The following GABRB1 variants were observed in gnomAD, a reference collection of about 807,000 sequenced individuals.
The protein encoded by GABRB1 is gamma-aminobutyric acid receptor subunit beta-1.
GABRB1 carries 17 observed loss-of-function variants against 51.6 expected under a neutral mutation model. The ratio of observed to expected loss-of-function variants is 0.33; its 90% CI spans 0.23 to 0.49. The LOEUF (loss-of-function observed/expected upper bound fraction) is 0.49, where lower values mean the gene tolerates loss of function less well. Ranked by LOEUF, GABRB1 falls within the 20% of genes least tolerant of loss-of-function variation. GABRB1 has a pLI of 0.99. For synonymous variants in GABRB1, 247 were observed against 218.9 expected, an observed-to-expected ratio of 1.13 and a Z score of -1.14; for missense variants, 410 against 600.6, an observed-to-expected ratio of 0.68 and a Z score of 3.32.
intron 4 of GABRB1, among the ~76,000 whole-genome samples, chr4:47,171,746 A>G (rs539042062): frequency 2.6e-5 from 4 of 152,268 alleles, no homozygotes; most frequent in Admixed American, 2.6e-4. Flanking sequence ...ATAGTTCCTC[A>G]TTTATAGAAT....
chr4:47,039,599 T>C (rs945041994), intron 3 of GABRB1, among the ~76,000 whole-genome samples: 1 of 152,084 alleles, frequency 6.6e-6, no homozygotes, highest in South Asian at 2.1e-4. Flanking sequence ...ATGTATAGGA[T>C]CCTATGGGAG....
At chr4:47,117,866 T>A (rs748876566) in intron 3 of GABRB1, among the ~76,000 whole-genome samples, 1 of 152,174 alleles carries the variant, frequency 6.6e-6, no homozygotes, top group African/African-American at 2.4e-5. Flanking sequence ...ACATTTTAAA[T>A]AAAGTGTCTG....
chr4:47,051,022 G>A (rs1726326900), intron 3 of GABRB1, among the ~76,000 whole-genome samples: 1 of 152,112 alleles, frequency 6.6e-6, no homozygotes, highest in Admixed American at 6.6e-5. Context: ...GTCTCTGTGT[G>A]TTGGGTCAAG....
intron 5 of GABRB1, among the ~76,000 whole-genome samples, chr4:47,340,611 T>C (rs148323390): frequency 6.6e-6 from 1 of 152,244 alleles, no homozygotes; most frequent in Non-Finnish European, 1.5e-5. Flanking sequence ...GGGTCTCTTC[T>C]ATAGGGCATT....
chr4:47,397,125 C>T (rs756561952), intron 5 of GABRB1, among the ~76,000 whole-genome samples: 11 of 151,946 alleles, frequency 7.2e-5, no homozygotes, highest in Middle Eastern at 3.4e-3. Context: ...ATTTTTGTTG[C>T]CACACTTTTT....
At chr4:47,124,728 A>C (rs979134252) in intron 3 of GABRB1, among the ~76,000 whole-genome samples, 6 of 152,168 alleles carry the variant, frequency 3.9e-5, no homozygotes, top group African/African-American at 1.4e-4. Context: ...ATAAAATTGC[A>C]ATACAGAACT....
chr4:47,322,154 A>G (rs905317390), intron 5 of GABRB1, among the ~76,000 whole-genome samples: 2 of 152,218 alleles, frequency 1.3e-5, no homozygotes, highest in Non-Finnish European at 2.9e-5. Flanking sequence ...AGGCACCCAG[A>G]TAGCCCAAAG....
chr4:47,333,536 G>A (rs569263308), intron 5 of GABRB1, among the ~76,000 whole-genome samples: 70 of 152,064 alleles, frequency 4.6e-4, no homozygotes, highest in African/African-American at 1.7e-3. Context: ...CCAACCTGGC[G>A]AAACCCCATT....
At chr4:47,083,629 T>A (rs1727945045) in intron 3 of GABRB1, among the ~76,000 whole-genome samples, 1 of 152,138 alleles carries the variant, frequency 6.6e-6, no homozygotes, top group Non-Finnish European at 1.5e-5. Context: ...ATTTCCTGGG[T>A]CTGTCACATT....
chr4:47,101,338 G>C (rs1714711811), intron 3 of GABRB1, among the ~76,000 whole-genome samples: 1 of 151,834 alleles, frequency 6.6e-6, no homozygotes, highest in Non-Finnish European at 1.5e-5. Flanking sequence ...CAAAACAAGG[G>C]GAACAAAAAT....
intron 4 of GABRB1, among the ~76,000 whole-genome samples, chr4:47,295,969 A>G (rs534828587): frequency 6.6e-6 from 1 of 152,134 alleles, no homozygotes; most frequent in Non-Finnish European, 1.5e-5. Flanking sequence ...TTCTTAAAGA[A>G]AAGAATTTTC....
At chr4:47,343,745 G>A (rs1015817236) in intron 5 of GABRB1, among the ~76,000 whole-genome samples, 1 of 152,102 alleles carries the variant, frequency 6.6e-6, no homozygotes, top group Non-Finnish European at 1.5e-5. Context: ...AGGGTCAGAG[G>A]ACCAAAAGAA....
At chr4:47,045,442 TATCATCATCATCATCATCATCATC>T (rs36118087) in intron 3 of GABRB1, among the ~76,000 whole-genome samples, 1 of 149,344 alleles carries the variant, frequency 6.7e-6, no homozygotes, top group Non-Finnish European at 1.5e-5. Flanking sequence ...TATTCTCCTT[TATCATCATCATCATCATCATCATC>T]ATCATCATCA....
At chr4:47,290,254 A>T (rs150686570) in intron 4 of GABRB1, among the ~76,000 whole-genome samples, 210 of 152,328 alleles carry the variant, frequency 1.4e-3, no homozygotes, top group African/African-American at 4.8e-3. Flanking sequence ...TTCTCATGAT[A>T]GTAAGTCTCC....
chr4:47,316,794 G>C (rs969570725), intron 4 of GABRB1, among the ~76,000 whole-genome samples: 1 of 151,844 alleles, frequency 6.6e-6, no homozygotes, highest in South Asian at 2.1e-4. Flanking sequence ...CCTTTGCTTG[G>C]TTATTTAAGA....
At chr4:47,230,278 A>G (rs910305273) in intron 4 of GABRB1, among the ~76,000 whole-genome samples, 1 of 152,152 alleles carries the variant, frequency 6.6e-6, no homozygotes, top group African/African-American at 2.4e-5. Flanking sequence ...CATAAGAAGC[A>G]CTCAGTAAGG....
rs1560348642 is a variant in GABRB1, at chr4:47,354,994, T to TTTTTG, written c.544+34789_544+34790insGTTTT. Among the ~76,000 whole-genome samples, 49 of 137,950 alleles carry TTTTTG rather than the reference T, an allele frequency of 3.6e-4. 2 individuals carry two copies. Among genetic ancestry groups the TTTTTG allele is most frequent in the Middle Eastern group, 3.5e-3 (1 of 282 alleles). 90.5% of individuals were successfully genotyped at this position (137,950 alleles called of 152,430 possible). A position where few individuals can be genotyped will look rare whatever the true frequency, so the allele number is the denominator to read the frequency against. On this transcript the variant is annotated intron_variant, in intron 5 of 8. Transcript: ENST00000295454. ...TTTCTTCCTTTGTTTTTTTTTTTTT[T>TTTTTG]TTTTTTTTTTTGACAGAATCTCTCT... is the stretch of plus-strand genomic sequence containing the variant.
At chr4:47,380,937 C>T (rs904598370) in intron 5 of GABRB1, among the ~76,000 whole-genome samples, 20 of 152,082 alleles carry the variant, frequency 1.3e-4, no homozygotes, top group African/African-American at 4.6e-4. Flanking sequence ...CCATATACTT[C>T]CTCGATTCAG....
At chr4:47,202,287 C>T (rs1278651894) in intron 4 of GABRB1, among the ~76,000 whole-genome samples, 5 of 152,162 alleles carry the variant, frequency 3.3e-5, no homozygotes, top group African/African-American at 1.2e-4. Context: ...TGCCTTGCTT[C>T]CCCTTCACCT....
Sources: gnomAD v4.1 joint callset for allele counts (sites outside exome capture counted in the v4.1 genomes callset) on GRCh38, gnomAD v4.1.1 for gene constraint, MANE v1.5 for transcripts, NCBI Gene and HGNC (gene_info 2026-07-23, HGNC 2026-07-21) for gene names.